Variants in MYZAP observed in about 807,000 individuals in gnomAD.
MYZAP encodes GRINL1A complex locus upstream.
MYZAP carries 66 observed loss-of-function variants against 69.4 expected under a neutral mutation model. The ratio of observed to expected loss-of-function variants is 0.95; its 90% CI spans 0.78 to 1.17. MYZAP has a LOEUF of 1.17. Among genes scored for constraint, MYZAP ranks in the 50% most tolerant of loss-of-function variants. The pLI is 0.00. For synonymous variants in MYZAP, 256 were observed against 205.9 expected, an observed-to-expected ratio of 1.24 and a Z score of -2.09; for missense variants, 611 against 556.2, an observed-to-expected ratio of 1.10 and a Z score of -0.99.
At chr15:57,673,467 T>C (rs1377645627) in intron 11 of MYZAP, among the ~76,000 whole-genome samples, 6 of 62,680 alleles carry the variant, frequency 9.6e-5, no homozygotes, top group South Asian at 5.9e-4. Context: ...TGCATGCGTG[T>C]GTGTGTGTGT....
chr15:57,629,255 A>G (rs2036351825), intron 5 of MYZAP, among the ~76,000 whole-genome samples: 2 of 152,124 alleles, frequency 1.3e-5, no homozygotes, highest in Non-Finnish European at 2.9e-5. Context: ...TATCATTCAG[A>G]TTTCCTCCTG....
intron 6 of MYZAP, 78 bp downstream of exon 6, chr15:57,629,932 A>G: frequency 3.3e-6 from 5 of 1,498,388 alleles, no homozygotes; most frequent in South Asian, 2.6e-5. Flanking sequence ...CCCATCTTCA[A>G]CCTTTCCATT....
chr15:57,623,216 G>C (rs1469682852), intron 4 of MYZAP, among the ~76,000 whole-genome samples: 1 of 152,190 alleles, frequency 6.6e-6, no homozygotes, highest in East Asian at 1.9e-4. Flanking sequence ...GGGCAAAGAA[G>C]AGGGTTGCTG....
chr15:57,608,981 C>T (rs2034934471), intron 2 of MYZAP, among the ~76,000 whole-genome samples: 1 of 152,160 alleles, frequency 6.6e-6, no homozygotes, highest in Non-Finnish European at 1.5e-5. Flanking sequence ...CTTCTATGTG[C>T]TGGGGTGGTC....
At chr15:57,649,612 G>A (rs571330883) in intron 10 of MYZAP, among the ~76,000 whole-genome samples, 11 of 152,034 alleles carry the variant, frequency 7.2e-5, no homozygotes, top group Non-Finnish European at 1.0e-4. Context: ...ATCATTTATC[G>A]AAAACTATTT....
chr15:57,661,633 C>T (rs999335037), intron 11 of MYZAP, 100 bp downstream of exon 11: 9 of 1,062,934 alleles, frequency 8.5e-6, no homozygotes, highest in East Asian at 8.3e-5. Context: ...GGCTATTTCC[C>T]GGCCTTATAA....
At chr15:57,646,747 A>G in intron 10 of MYZAP, 2 of 985,648 alleles carry the variant, frequency 2.0e-6, no homozygotes, top group Non-Finnish European at 2.4e-6. Flanking sequence ...ATCAATACTC[A>G]TCTTAGGACT....
chr15:57,681,044 C>T (rs1054024827), intron 12 of MYZAP, among the ~76,000 whole-genome samples: 7 of 152,120 alleles, frequency 4.6e-5, no homozygotes, highest in Non-Finnish European at 1.0e-4. Context: ...ATAAAATACC[C>T]CACTTCTTTT....
chr15:57,668,332 G>A (rs2038694189), intron 11 of MYZAP, among the ~76,000 whole-genome samples: 1 of 152,146 alleles, frequency 6.6e-6, no homozygotes, highest in South Asian at 2.1e-4. Flanking sequence ...GTAAAAGGAG[G>A]TATAAGTTTA....
At chr15:57,621,204 T>C (rs1261087162) in intron 3 of MYZAP, among the ~76,000 whole-genome samples, 2 of 123,188 alleles carry the variant, frequency 1.6e-5, no homozygotes, top group African/African-American at 6.1e-5. Context: ...TCTTTCTTTT[T>C]CTTTTTTTTT....
intron 2 of MYZAP, among the ~76,000 whole-genome samples, chr15:57,606,505 G>T (rs1226345065): frequency 3.4e-5 from 5 of 148,046 alleles, no homozygotes; most frequent in African/African-American, 1.2e-4. Flanking sequence ...ATTAGATGGT[G>T]GCAAAAAAAA....
intron 10 of MYZAP, among the ~76,000 whole-genome samples, chr15:57,644,507 G>GCAATCATA (rs2037338543): frequency 6.6e-6 from 1 of 152,090 alleles, no homozygotes; most frequent in South Asian, 2.1e-4. Flanking sequence ...GTGCAGTGGT[G>GCAATCATA]CAATCATACC....
chr15:57,619,776 T>C (rs1304628998), intron 3 of MYZAP, among the ~76,000 whole-genome samples: 1 of 152,218 alleles, frequency 6.6e-6, no homozygotes, highest in Non-Finnish European at 1.5e-5. Context: ...CTCACTTAAA[T>C]GCTCCGGAGG....
chr15:57,678,600 A>G (rs1333221636), intron 12 of MYZAP, among the ~76,000 whole-genome samples: 7 of 152,158 alleles, frequency 4.6e-5, no homozygotes, highest in African/African-American at 1.7e-4. Flanking sequence ...GATCAAGTAT[A>G]TAGTACTTCA....
At chr15:57,652,546 A>T (rs1380181437) in intron 10 of MYZAP, among the ~76,000 whole-genome samples, 3 of 152,184 alleles carry the variant, frequency 2.0e-5, no homozygotes, top group African/African-American at 7.2e-5. Flanking sequence ...ACTTTTTCTG[A>T]GGAAGAGTGT....
intron 5 of MYZAP, among the ~76,000 whole-genome samples, chr15:57,626,464 T>TGC (rs2036142223): frequency 6.6e-6 from 1 of 152,210 alleles, no homozygotes; most frequent in Non-Finnish European, 1.5e-5. Context: ...GAGGCATTGT[T>TGC]TTCTTGGTTG....
At chr15:57,622,924 T>A (rs1373471982) in intron 4 of MYZAP, among the ~76,000 whole-genome samples, 1 of 152,204 alleles carries the variant, frequency 6.6e-6, no homozygotes, top group Non-Finnish European at 1.5e-5. Flanking sequence ...GGAAAAATTA[T>A]TTGTCCTTCG....
chr15:57,658,392 C>G (rs1327594804), intron 10 of MYZAP, among the ~76,000 whole-genome samples: 2 of 152,196 alleles, frequency 1.3e-5, no homozygotes, highest in Admixed American at 1.3e-4. Context: ...TTATTTAATA[C>G]CAACCTGCAA....
chr15:57,639,966 T>G (rs2037051798), intron 10 of MYZAP, among the ~76,000 whole-genome samples: 1 of 152,182 alleles, frequency 6.6e-6, no homozygotes, highest in Non-Finnish European at 1.5e-5. Context: ...TTTATCGTTT[T>G]CTGGGTGTGT....
Sources: allele counts gnomAD v4.1 joint callset (sites outside exome capture counted in the v4.1 genomes callset), GRCh38; gene constraint gnomAD v4.1.1; transcripts MANE v1.5; gene names NCBI Gene and HGNC (gene_info 2026-07-23, HGNC 2026-07-21).